IFT74: variants seen among roughly 807,000 people sequenced by gnomAD.
The protein encoded by IFT74 is intraflagellar transport 74.
In IFT74, 92 loss-of-function variants were observed where a neutral mutation model predicts 96.7. The ratio of observed to expected loss-of-function variants is 0.95; its 90% CI spans 0.80 to 1.13. The LOEUF is 1.13. Among genes scored for constraint, IFT74 ranks in the 50% most tolerant of loss-of-function variants. The pLI is 0.00. For synonymous variants in IFT74, 223 were observed against 213.2 expected (o/e 1.05, Z -0.40); for missense variants, 811 against 698.2 (o/e 1.16, Z -1.82).
intron 8 of IFT74, among the ~76,000 whole-genome samples, chr9:27,006,243 G>A (rs1202959746): frequency 6.6e-6 from 1 of 152,074 alleles, no homozygotes; most frequent in Non-Finnish European, 1.5e-5. Flanking sequence ...GCATACTTTT[G>A]AAAGATATAC....
chr9:27,036,683 G>T, intron 13 of IFT74: 20 of 1,184,708 alleles, frequency 1.7e-5, no homozygotes, highest in East Asian at 3.5e-5. Flanking sequence ...TTGCTTCTGT[G>T]AAAAAAAAAA....
At chr9:26,984,114 C>G in intron 4 of IFT74, 143 bp from the exon 5 acceptor site, 1 of 627,474 alleles carries the variant, frequency 1.6e-6, no homozygotes, top group East Asian at 3.7e-5. Flanking sequence ...TGAAATAAGC[C>G]ACCTAAACTT....
chr9:26,973,867 G>C (rs1261469468), intron 2 of IFT74, among the ~76,000 whole-genome samples: 1 of 152,116 alleles, frequency 6.6e-6, no homozygotes, highest in Non-Finnish European at 1.5e-5. Flanking sequence ...AAGAGCTCCT[G>C]GTGGGACTCA....
Position 27,062,795 on chromosome 9 carries a change from G to T in IFT74, c.*59G>T. ...CCTCTTGCTGCTAAACTTGGTACAA[G>T]TTGACTACCAAAAAAAAAAAAAGCT... On this transcript the variant is annotated 3_prime_UTR_variant, in exon 20 of 20. Transcript: ENST00000380062. 8.4e-6 allele frequency: 7 copies of T among 835,134 alleles called. No homozygotes were observed. The highest frequency in any genetic ancestry group is 1.8e-5 in the South Asian group (1 of 56,768). The allele number at this position is 835,134 out of a possible 1,614,324, so 51.7% of individuals were successfully genotyped here. A position where few individuals can be genotyped will look rare whatever the true frequency, so the allele number is the denominator to read the frequency against.
intron 2 of IFT74, among the ~76,000 whole-genome samples, chr9:26,962,963 A>C (rs879920639): frequency 1.1e-4 from 14 of 129,248 alleles, no homozygotes; most frequent in African/African-American, 3.7e-4. Flanking sequence ...TTTTATTTTT[A>C]TTTTTTTGTT....
At chr9:27,040,544 CAAAAAAAAA>C (rs751893169) in intron 13 of IFT74, among the ~76,000 whole-genome samples, 1 of 62,074 alleles carries the variant, frequency 1.6e-5, no homozygotes, top group Non-Finnish European at 3.3e-5. Context: ...GACACTGTCT[CAAAAAAAAA>C]AAAAAAAAAA....
intron 8 of IFT74, among the ~76,000 whole-genome samples, chr9:26,990,498 G>A (rs1395587761): frequency 6.6e-6 from 1 of 151,942 alleles, no homozygotes; most frequent in Admixed American, 6.6e-5. Flanking sequence ...TTTTAACCTG[G>A]GCTTTTAACT....
In IFT74 at chr9:27,036,460, C is replaced by T. The variant is rs759543743; in HGVS notation, c.1054+7356C>T. The T allele has an allele frequency of 3.1e-6, 5 of 1,613,546 alleles. No individual in the cohort carries two copies. The East Asian group carries it at 1.1e-4, about 36-fold the overall frequency. ...GTTCTTCATCTGCAGATCCTACCAA[C>T]TATGGATGGAAAATACTTGAAAAAA... On this transcript the variant is annotated intron_variant, in intron 13 of 19. Transcript: ENST00000380062.
chr9:27,049,471 T>G (rs1304050582), intron 16 of IFT74, among the ~76,000 whole-genome samples: 1 of 152,112 alleles, frequency 6.6e-6, no homozygotes, highest in Non-Finnish European at 1.5e-5. Flanking sequence ...AGAAACTGTT[T>G]GTTTAAATCT....
chr9:27,007,961 C>T (rs1285148073), intron 8 of IFT74, among the ~76,000 whole-genome samples: 1 of 152,136 alleles, frequency 6.6e-6, no homozygotes, highest in Non-Finnish European at 1.5e-5. Context: ...CTTGCCTAGG[C>T]AACAAGTGAC....
chr9:27,000,778 A>G (rs761739126), intron 8 of IFT74, among the ~76,000 whole-genome samples: 6 of 152,210 alleles, frequency 3.9e-5, no homozygotes, highest in Non-Finnish European at 5.9e-5. Context: ...ACCGTGGCAC[A>G]TGTTTACCTA....
At chr9:27,001,341 T>C (rs781340842) in intron 8 of IFT74, among the ~76,000 whole-genome samples, 15 of 152,124 alleles carry the variant, frequency 9.9e-5, no homozygotes, top group Non-Finnish European at 2.1e-4. Context: ...CTGGATCAAA[T>C]GTAAATGTAA....
intron 11 of IFT74, 37 bp from the exon 12 acceptor site, chr9:27,018,609 AT>A: frequency 7.3e-6 from 9 of 1,225,448 alleles, no homozygotes; most frequent in Admixed American, 2.0e-5. Flanking sequence ...ACAATGAGTT[AT>A]TTTTTTAAAT....
intron 8 of IFT74, 48 bp downstream of exon 8, chr9:26,990,243 G>T (rs781053016): frequency 3.1e-6 from 3 of 962,008 alleles, no homozygotes; most frequent in South Asian, 2.7e-5. Flanking sequence ...AGCTTTATTA[G>T]GTAGTTTAAG....
rs186584359 is a variant in IFT74, at chr9:26,984,761, C to G, written c.465+202C>G. ...GCAAATCAAAAGAATAATGAGATAC[C>G]ATCTCACACCAGTTAGAATGGCTGT... On this transcript the variant is annotated intron_variant, in intron 6 of 19. Transcript: ENST00000380062. Among the ~76,000 whole-genome samples, 299 of 152,134 alleles carry G rather than the reference C, an allele frequency of 2.0e-3. 1 individual carries two copies. The highest frequency in any genetic ancestry group is 7.0e-3 in the African/African-American group (289 of 41,498).
intron 2 of IFT74, among the ~76,000 whole-genome samples, chr9:26,977,081 T>C (rs897899813): frequency 1.3e-5 from 2 of 152,216 alleles, no homozygotes; most frequent in African/African-American, 4.8e-5. Flanking sequence ...AAATCAACTA[T>C]AATATCATTA....
intron 1 of IFT74, among the ~76,000 whole-genome samples, chr9:26,956,731 C>A (rs951682317): frequency 6.6e-6 from 1 of 152,160 alleles, no homozygotes; most frequent in South Asian, 2.1e-4. Context: ...CCCGACCCCC[C>A]GCAGGAGACC....
chr9:27,017,022 T>A lies in IFT74; in HGVS notation c.905T>A (p.Met302Lys). ...GAAGACAAAAGCATAGGATCTCCAA[T>A]GGAAGAGAGAGAGAAATTACTTAAG... is the stretch of plus-strand genomic sequence containing the variant. The part of the protein sequence containing the change: ...IAEDKSIGSP[M>K]EEREKLLKQI... Residue 302 changes from methionine to lysine, a missense_variant, in exon 11 of 20, where the codon ATG becomes AAG. Coordinates refer to ENST00000380062, the MANE Select transcript of IFT74 (RefSeq NM_025103.4). 6.2e-7 allele frequency: 1 copy of A among 1,606,214 alleles called. No homozygotes were observed. The highest frequency in any genetic ancestry group is 8.5e-7 in the Non-Finnish European group (1 of 1,177,280).
rs907510995 is a variant in IFT74, at chr9:27,056,521, C to A, written c.1623+62C>A. The A allele has an allele frequency of 3.5e-6, 5 of 1,431,644 alleles. No individual in the cohort carries two copies. In the African/African-American group the frequency reaches 7.3e-5, roughly 21 times the overall value. The allele number at this position is 1,431,644 out of a possible 1,614,324, so 88.7% of individuals were successfully genotyped here. On this transcript the variant is annotated intron_variant, in intron 18 of 19. Coordinates refer to ENST00000380062, the MANE Select transcript of IFT74 (RefSeq NM_025103.4). ...GTCTATATTTTCACCCCAAAACAAT[C>A]AATTTTTTATTTTAAAATTTGCTTT...
Sources: gnomAD v4.1 joint callset for allele counts (sites outside exome capture counted in the v4.1 genomes callset) on GRCh38, gnomAD v4.1.1 for gene constraint, MANE v1.5 for transcripts, NCBI Gene and HGNC (gene_info 2026-07-23, HGNC 2026-07-21) for gene names.